FAM120A: variants seen among roughly 807,000 people sequenced by gnomAD.
FAM120A encodes family with sequence similarity 120 member A, also known as constitutive coactivator of PPAR-gamma-like protein 1.
In FAM120A, 15 loss-of-function variants were observed where a neutral mutation model predicts 109.7. The ratio of observed to expected loss-of-function variants is 0.14; its 90% CI spans 0.09 to 0.21. FAM120A has a LOEUF of 0.21. Ranked by LOEUF, FAM120A falls within the 10% of genes least tolerant of loss-of-function variation. The probability of loss-of-function intolerance (pLI) is 1.00; values close to 1 mark genes in which losing one functional copy is unlikely to be tolerated. For missense variants in FAM120A, 899 were observed against 1,439.3 expected (o/e 0.62, Z 6.07); for synonymous variants, 493 against 572.8 (o/e 0.86, Z 1.99).
At chr9:93,481,456 A>G (rs1588815837) in intron 3 of FAM120A, among the ~76,000 whole-genome samples, 1 of 152,278 alleles carries the variant, frequency 6.6e-6, no homozygotes, top group Middle Eastern at 3.4e-3. Flanking sequence ...TGGGTGTTCT[A>G]CATCCTATTG....
At chr9:93,517,475 AG>A (rs1220419435) in intron 7 of FAM120A, among the ~76,000 whole-genome samples, 1 of 152,236 alleles carries the variant, frequency 6.6e-6, no homozygotes, top group Non-Finnish European at 1.5e-5. Context: ...CTGAAGTTTG[AG>A]AACAACTGCT....
Position 93,452,492 on chromosome 9 carries a change from C to T in FAM120A, c.474+103C>T, listed in dbSNP as rs1420506495. On this transcript the variant is annotated intron_variant, in intron 1 of 17. Transcript: ENST00000277165. This position sits in a 1 kb window ranked among gnomAD's most constrained non-coding sequence, Gnocchi z 7.0. Reference sequence around the variant, plus strand: ...CGCCCGGCCGTGGCGGCGCTGGGGGCAGCGAGTTCCCCCAGCCCTTGCCCG... The same window carrying T: ...CGCCCGGCCGTGGCGGCGCTGGGGGTAGCGAGTTCCCCCAGCCCTTGCCCG... 18 of 1,544,220 alleles carry T rather than the reference C, an allele frequency of 1.2e-5. No individual in the cohort carries two copies. Among genetic ancestry groups the T allele is most frequent in the African/African-American group, 1.4e-5 (1 of 73,346 alleles).
At chr9:93,480,491 G>T (rs556307894) in intron 3 of FAM120A, among the ~76,000 whole-genome samples, 5 of 152,248 alleles carry the variant, frequency 3.3e-5, no homozygotes, top group Non-Finnish European at 7.4e-5. Flanking sequence ...GCTGGGCCAG[G>T]ATGGGTAAAA....
intron 1 of FAM120A, among the ~76,000 whole-genome samples, chr9:93,458,134 A>C (rs1857635428): frequency 6.6e-6 from 1 of 151,696 alleles, no homozygotes; most frequent in Admixed American, 6.5e-5. Flanking sequence ...CCATCAACAC[A>C]GACACTGACT....
rs201350584 is a variant in FAM120A at position 93,565,075 on chromosome 9, TAAA to T, written c.*544_*546del. 1 of 147,438 alleles carries T rather than the reference TAAA, an allele frequency of 6.8e-6. No homozygotes were observed. Among genetic ancestry groups the T allele is most frequent in the Non-Finnish European group, 1.5e-5 (1 of 66,320 alleles). The allele number at this position is 147,438 out of a possible 1,614,324, so 9.1% of individuals were successfully genotyped here. On this transcript the variant is annotated 3_prime_UTR_variant, in exon 18 of 18. Coordinates refer to ENST00000277165, the MANE Select transcript of FAM120A (RefSeq NM_014612.5). ...CACTGTTGATGTGGTTCTTTTGTGTTAAAAAAAAAAAGTGCAACTATCAAAACT... is the reference window on the plus strand; with the variant it reads ...CACTGTTGATGTGGTTCTTTTGTGTTAAAAAAAAGTGCAACTATCAAAACT...
rs147279211 is a variant in FAM120A, at chr9:93,529,364, G to A, written c.1518G>A (p.Ser506=). ...TCTCTGCACTGTAGGCAGAAGGCTC[G>A]TCCACTGCCTCTTCAGGAAGCCAAC... is the stretch of plus-strand genomic sequence containing the variant. ...DPGDQTKAEG[S]STASSGSQLA... The change falls in exon 9 of 18, where the codon TCG becomes TCA. Residue 506 remains serine, a synonymous_variant. Transcript: ENST00000277165. The A allele has an allele frequency of 1.4e-3, 2,236 of 1,606,350 alleles. 27 individuals carry two copies. The highest frequency in any genetic ancestry group is 7.0e-3 in the Middle Eastern group (42 of 6,010).
intron 13 of FAM120A, among the ~76,000 whole-genome samples, chr9:93,556,959 C>A (rs1250416319): frequency 1.3e-5 from 2 of 152,070 alleles, no homozygotes; most frequent in East Asian, 1.9e-4. Context: ...TTAAAGACAC[C>A]TTATATAATA....
intron 1 of FAM120A, among the ~76,000 whole-genome samples, chr9:93,465,962 G>A (rs1361170428): frequency 6.6e-6 from 1 of 152,066 alleles, no homozygotes; most frequent in Admixed American, 6.5e-5. Flanking sequence ...TTAAATTATG[G>A]CTGTGTGTTT....
At chr9:93,473,561 C>CTGA in intron 2 of FAM120A, among the ~76,000 whole-genome samples, 1 of 152,194 alleles carries the variant, frequency 6.6e-6, no homozygotes. Flanking sequence ...ATCCACCTGC[C>CTGA]TGAGCCTCCC....
intron 8 of FAM120A, among the ~76,000 whole-genome samples, chr9:93,528,440 A>G (rs760406348): frequency 6.6e-6 from 1 of 152,252 alleles, no homozygotes; most frequent in Non-Finnish European, 1.5e-5. Flanking sequence ...AGTTTATTAT[A>G]CAAATAATCA....
At chr9:93,539,889 C>T (rs191531546) in intron 10 of FAM120A, among the ~76,000 whole-genome samples, 1 of 152,322 alleles carries the variant, frequency 6.6e-6, no homozygotes, top group East Asian at 1.9e-4. Context: ...ATTTTTCTTT[C>T]CTCAACTTCT....
At chr9:93,538,143 T>A (rs1413129681) in intron 10 of FAM120A, among the ~76,000 whole-genome samples, 1 of 152,208 alleles carries the variant, frequency 6.6e-6, no homozygotes, top group Non-Finnish European at 1.5e-5. Context: ...AGCATTTATC[T>A]ACATGTCTGT....
chr9:93,484,102 G>A (rs1858933437), intron 3 of FAM120A, among the ~76,000 whole-genome samples: 1 of 151,086 alleles, frequency 6.6e-6, no homozygotes, highest in South Asian at 2.1e-4. Flanking sequence ...TGCAGTGGCT[G>A]TTCACAGGTG....
intron 7 of FAM120A, among the ~76,000 whole-genome samples, chr9:93,519,575 GC>G (rs1860754979): frequency 6.6e-6 from 1 of 152,068 alleles, no homozygotes; most frequent in African/African-American, 2.4e-5. Context: ...CTGTAAAATA[GC>G]GGAGGCGATT....
chr9:93,558,690 C>T lies in FAM120A; in HGVS notation c.2778C>T (p.Asp926=), dbSNP rs746868310. ...SGHCGAFSGS[D]SSRTSKSQGG... is the part of the protein sequence containing the mutation. ...ACTGCGGAGCCTTCTCAGGCAGTGACAGCAGCAGGACTAGCAAGTCCCAGG... is the reference window on the plus strand; with the variant it reads ...ACTGCGGAGCCTTCTCAGGCAGTGATAGCAGCAGGACTAGCAAGTCCCAGG... The change falls in exon 15 of 18, where the codon GAC becomes GAT. Residue 926 remains aspartate (D), a synonymous_variant. Coordinates refer to ENST00000277165, the MANE Select transcript of FAM120A (RefSeq NM_014612.5). 26 of 1,613,994 alleles carry T rather than the reference C, an allele frequency of 1.6e-5. No individual in the cohort carries two copies. The highest frequency in any genetic ancestry group is 1.9e-5 in the Non-Finnish European group (22 of 1,180,032).
intron 1 of FAM120A, among the ~76,000 whole-genome samples, chr9:93,466,383 C>T (rs1858019074): frequency 6.6e-6 from 1 of 152,018 alleles, no homozygotes; most frequent in Non-Finnish European, 1.5e-5. Flanking sequence ...CTTGCATTGT[C>T]CTGGCTCTGG....
At chr9:93,505,600 G>C (rs530010469) in intron 5 of FAM120A, among the ~76,000 whole-genome samples, 1 of 152,262 alleles carries the variant, frequency 6.6e-6, no homozygotes, top group South Asian at 2.1e-4. Context: ...ATGAAATGAT[G>C]TCATGTCTGA....
At chr9:93,476,161 GT>G in intron 2 of FAM120A, 94 bp from the exon 3 acceptor site, 1 of 748,458 alleles carries the variant, frequency 1.3e-6, no homozygotes, top group Non-Finnish European at 2.3e-6. Flanking sequence ...CTGTTTGAAA[GT>G]TTTCTACTAT....
Position 93,556,388 on chromosome 9 carries a change from A to C in FAM120A, c.2281A>C (p.Asn761His), listed in dbSNP as rs1004355952. The C allele has an allele frequency of 2.5e-6, 4 of 1,613,576 alleles. No homozygotes were observed. Among genetic ancestry groups the C allele is most frequent in the Non-Finnish European group, 3.4e-6 (4 of 1,179,596 alleles). The change falls in exon 13 of 18, where the codon AAC becomes CAC. Residue 761 changes from asparagine to histidine, a missense_variant. Around this residue, in one of 11 missense-constraint regions of FAM120A, gnomAD observed 52 missense variants for 49.7 expected, o/e 1.05. Coordinates refer to ENST00000277165, the MANE Select transcript of FAM120A (RefSeq NM_014612.5). ...PDQLQELKIE[N>H]LDPRGIQLSA... Reference sequence around the variant, plus strand: ...TACTCTTTTCAATTTAAAGATTGAGAACCTAGATCCCCGAGGAATTCAGCT... The same window carrying C: ...TACTCTTTTCAATTTAAAGATTGAGCACCTAGATCCCCGAGGAATTCAGCT...
Sources: allele counts gnomAD v4.1 joint callset (sites outside exome capture counted in the v4.1 genomes callset), GRCh38; gene constraint gnomAD v4.1.1; regional missense constraint gnomAD v4.1.1; non-coding constraint Gnocchi (gnomAD v3.1); transcripts MANE v1.5; gene names NCBI Gene and HGNC (gene_info 2026-07-23, HGNC 2026-07-21).